C12orf50: variants seen among roughly 807,000 people sequenced by gnomAD.
The protein encoded by C12orf50 is zinc finger CCCH-type containing 11D, also known as uncharacterized protein C12orf50.
C12orf50 carries 35 observed loss-of-function variants against 61.6 expected under a neutral mutation model. The observed-to-expected ratio is 0.57, with a 90% CI of 0.43 to 0.75. The LOEUF (loss-of-function observed/expected upper bound fraction) is 0.75, where lower values mean the gene tolerates loss of function less well. Among genes scored for constraint, C12orf50 ranks in the 30% least tolerant of loss-of-function variants. The pLI, the probability that C12orf50 is intolerant of heterozygous loss-of-function variation, is 0.00. For missense variants in C12orf50, 475 were observed against 488.5 expected (o/e 0.97, Z 0.26); for synonymous variants, 178 against 161.5 (o/e 1.10, Z -0.77).
At chr12:87,982,676 G>A (rs143760150) in intron 12 of C12orf50, among the ~76,000 whole-genome samples, 56 of 152,094 alleles carry the variant, frequency 3.7e-4, no homozygotes, top group Admixed American at 6.6e-4. Context: ...ACTACTGGCT[G>A]AGAAATTTCA....
chr12:88,003,512 TCA>T lies in C12orf50; in HGVS notation c.134-5324_134-5323del, dbSNP rs796463789. On this transcript the variant is annotated intron_variant, in intron 3 of 12. Coordinates refer to ENST00000298699, the MANE Select transcript of C12orf50 (RefSeq NM_152589.3). Reference sequence around the variant, plus strand: ...GTAGACAAACTGGCAACAAATTCTCTCAGTTTTTGTTTTCTTTGAATGTCTTT... The same window carrying T: ...GTAGACAAACTGGCAACAAATTCTCTGTTTTTGTTTTCTTTGAATGTCTTT... Among the ~76,000 whole-genome samples, 53 of 152,000 alleles carry T rather than the reference TCA, an allele frequency of 3.5e-4. 1 individual carries two copies. Among genetic ancestry groups the T allele is most frequent in the African/African-American group, 1.3e-3 (52 of 41,514 alleles).
At chr12:88,013,021 A>G (rs1378848261) in intron 3 of C12orf50, among the ~76,000 whole-genome samples, 1 of 152,074 alleles carries the variant, frequency 6.6e-6, no homozygotes, top group Non-Finnish European at 1.5e-5. Context: ...CTGTGTTCAC[A>G]CCACTGCACT....
chr12:88,007,526 G>T (rs1592670388), intron 3 of C12orf50, among the ~76,000 whole-genome samples: 1 of 152,166 alleles, frequency 6.6e-6, no homozygotes, highest in Non-Finnish European at 1.5e-5. Flanking sequence ...CCAAGATGGT[G>T]CCTCGTTACT....
At chr12:88,027,145 A>T in intron 1 of C12orf50, 75 bp from the exon 2 acceptor site, 6 of 1,401,434 alleles carry the variant, frequency 4.3e-6, no homozygotes, top group Non-Finnish European at 5.7e-6. Context: ...GTTGCTAATT[A>T]GTTAAACGAA....
intron 3 of C12orf50, among the ~76,000 whole-genome samples, chr12:88,018,188 G>T (rs530006087): frequency 3.7e-4 from 57 of 152,164 alleles, no homozygotes; most frequent in Non-Finnish European, 6.3e-4. Flanking sequence ...CTAGGCCCAG[G>T]GTCCCCATGC....
At chr12:88,006,459 A>C (rs1379574011) in intron 3 of C12orf50, among the ~76,000 whole-genome samples, 1 of 152,172 alleles carries the variant, frequency 6.6e-6, no homozygotes, top group Non-Finnish European at 1.5e-5. Flanking sequence ...ACAAAATCTC[A>C]GTGCTAATGC....
At chr12:87,997,109 T>C (rs947540498) in intron 4 of C12orf50, among the ~76,000 whole-genome samples, 1 of 152,012 alleles carries the variant, frequency 6.6e-6, no homozygotes, top group East Asian at 1.9e-4. Flanking sequence ...CTGGCACCAC[T>C]GTGCTGGGTT....
rs868278346 is a variant in C12orf50 at position 87,989,326 on chromosome 12, T to C, written c.638A>G (p.Asp213Gly). Residue 213 changes from aspartate to glycine, a missense_variant, in exon 8 of 13, where the codon GAT (aspartate) becomes GGT (glycine). Physicochemically the swap from Asp to Gly is moderately conservative, Grantham distance 94. Coordinates refer to ENST00000298699, the MANE Select transcript of C12orf50 (RefSeq NM_152589.3). ...CTCTTCAGTTAAAGCTTCACTTTCATCGACTCCAAGAAATATGACCCTCTG... is the reference window on the plus strand; with the variant it reads ...CTCTTCAGTTAAAGCTTCACTTTCACCGACTCCAAGAAATATGACCCTCTG... The part of the protein sequence containing the change: ...VPQRVIFLGV[D>G]ESEALTEEKE... The C allele has an allele frequency of 3.7e-6, 6 of 1,612,144 alleles. 1 individual carries two copies. The Middle Eastern group carries it at 9.9e-4, about 266-fold the overall frequency.
chr12:88,013,855 G>A (rs1411288185), intron 3 of C12orf50, among the ~76,000 whole-genome samples: 2 of 152,264 alleles, frequency 1.3e-5, no homozygotes, highest in East Asian at 1.9e-4. Context: ...TTGGTTTTTG[G>A]TGGTTGTTGT....
intron 3 of C12orf50, among the ~76,000 whole-genome samples, chr12:88,007,541 C>T (rs1011746125): frequency 2.0e-5 from 3 of 152,128 alleles, no homozygotes; most frequent in Non-Finnish European, 4.4e-5. Flanking sequence ...GTTACTGTGC[C>T]CTCTGGAGGG....
intron 11 of C12orf50, 185 bp from the exon 12 acceptor site, chr12:87,983,380 G>GT (rs572905111): frequency 2.9e-3 from 980 of 341,226 alleles, no homozygotes; most frequent in Non-Finnish European, 3.4e-3. Context: ...AAGTGAGCAT[G>GT]TTTTTTTTTG....
At chr12:87,985,216 G>T (rs2030745424) in intron 11 of C12orf50, 1 of 152,122 alleles carries the variant, frequency 6.6e-6, no homozygotes, top group African/African-American at 2.4e-5. Context: ...GCAGCATTTT[G>T]TTAAGTTTAG....
At chr12:88,015,235 G>A (rs2032268447) in intron 3 of C12orf50, among the ~76,000 whole-genome samples, 1 of 152,128 alleles carries the variant, frequency 6.6e-6, no homozygotes, top group African/African-American at 2.4e-5. Flanking sequence ...ACAAAAATTA[G>A]TGTGTGTGTA....
At chr12:88,001,636 G>A (rs1368182392) in intron 3 of C12orf50, among the ~76,000 whole-genome samples, 1 of 151,024 alleles carries the variant, frequency 6.6e-6, no homozygotes, top group Non-Finnish European at 1.5e-5. Flanking sequence ...TTTAATTGTG[G>A]CAATGTTTTC....
At chr12:88,025,598 G>C (rs2136504306) in intron 3 of C12orf50, among the ~76,000 whole-genome samples, 1 of 152,266 alleles carries the variant, frequency 6.6e-6, no homozygotes, top group South Asian at 2.1e-4. Flanking sequence ...AATTAGCTGG[G>C]TGTGGCGGTG....
In C12orf50 at chr12:87,980,296, T is replaced by A; in HGVS notation, c.*35A>T. The stretch of plus-strand genomic sequence containing the variant: ...TTGTAAATCAGATGATGTCTGGCAA[T>A]TTTTTCTCATTTTTCTCTCTCTCAA... On this transcript the variant is annotated 3_prime_UTR_variant, in exon 13 of 13. Coordinates refer to ENST00000298699, the MANE Select transcript of C12orf50 (RefSeq NM_152589.3). The A allele has an allele frequency of 1.9e-6, 3 of 1,589,056 alleles. No homozygotes were observed. The East Asian group carries it at 6.7e-5, about 36-fold the overall frequency.
At chr12:88,020,896 A>G (rs1023469471) in intron 3 of C12orf50, among the ~76,000 whole-genome samples, 2 of 152,170 alleles carry the variant, frequency 1.3e-5, no homozygotes, top group Middle Eastern at 3.2e-3. Flanking sequence ...ACTCACTACC[A>G]TACAATTACA....
chr12:88,005,892 T>C (rs2031845961), intron 3 of C12orf50, among the ~76,000 whole-genome samples: 1 of 149,276 alleles, frequency 6.7e-6, no homozygotes, highest in Admixed American at 6.7e-5. Flanking sequence ...GACAAAGGAC[T>C]ATGTTTTTTT....
intron 3 of C12orf50, among the ~76,000 whole-genome samples, chr12:88,018,775 T>C (rs183107944): frequency 3.1e-4 from 47 of 152,302 alleles, no homozygotes; most frequent in South Asian, 1.7e-3. Context: ...CATTTTGAGC[T>C]TTAAGATTTG....
Sources: gnomAD v4.1 joint callset for allele counts (sites outside exome capture counted in the v4.1 genomes callset) on GRCh38, gnomAD v4.1.1 for gene constraint, MANE v1.5 for transcripts, NCBI Gene and HGNC (gene_info 2026-07-23, HGNC 2026-07-21) for gene names.